The following COL7A1 variants were observed in gnomAD, a reference collection of about 807,000 sequenced individuals.
COL7A1 encodes the protein collagen type VII alpha 1 chain.
In COL7A1, 296 loss-of-function variants were observed where a neutral mutation model predicts 456.2. That is an observed-to-expected ratio of 0.65 (90% CI 0.59 to 0.71). COL7A1 has a LOEUF of 0.71. Ranked by LOEUF, COL7A1 falls within the 30% of genes least tolerant of loss-of-function variation. The probability of loss-of-function intolerance (pLI) is 0.00; values close to 1 mark genes in which losing one functional copy is unlikely to be tolerated. For missense variants in COL7A1, 3,441 were observed against 4,017.2 expected (o/e 0.86, Z 3.88); for synonymous variants, 1,464 against 1,525.9 (o/e 0.96, Z 0.95).
Position 48,584,734 on chromosome 3 carries a change from C to G in COL7A1, c.4047G>C (p.Pro1349=). The G allele has an allele frequency of 6.2e-7, 1 of 1,613,988 alleles. No individual in the cohort carries two copies. Among genetic ancestry groups the G allele is most frequent in the Non-Finnish European group, 8.5e-7 (1 of 1,180,016 alleles). Residue 1349 remains proline, a splice_region_variant and synonymous_variant, in exon 35 of 119, where the codon CCG becomes CCC. Coordinates refer to ENST00000681320, the MANE Select transcript of COL7A1 (RefSeq NM_000094.4). ...CCGCCTCCCTTCCCCCTTCACCTACCGGCTCCCCCTTTGGGCCTCGAGGTC... is the reference window on the plus strand; with the variant it reads ...CCGCCTCCCTTCCCCCTTCACCTACGGGCTCCCCCTTTGGGCCTCGAGGTC... The part of the protein sequence containing the change: ...ERGPRGPKGE[P]GAPGQVIGGE...
rs2044165797 is a variant in COL7A1, at chr3:48,574,619, C to T, written c.6393+58G>A. Reference sequence around the variant, plus strand: ...GTGCCCAGGTGCATATGCACACCACCTCTAGTGTGCCCCCAGAAAGGAGGG... The same window carrying T: ...GTGCCCAGGTGCATATGCACACCACTTCTAGTGTGCCCCCAGAAAGGAGGG... On this transcript the variant is annotated intron_variant, in intron 78 of 118. Coordinates refer to ENST00000681320, the MANE Select transcript of COL7A1 (RefSeq NM_000094.4). This position sits in a 1 kb window ranked among gnomAD's most constrained non-coding sequence, Gnocchi z 5.0. The T allele has an allele frequency of 1.9e-6, 3 of 1,612,904 alleles. No homozygotes were observed. The highest frequency in any genetic ancestry group is 2.2e-5 in the South Asian group (2 of 91,068).
chr3:48,584,338 C>G lies in COL7A1; in HGVS notation c.4157G>C (p.Gly1386Ala). ...PGPRGPLGDPGPRGPPGLPGT... is the reference protein window; with the variant it reads ...PGPRGPLGDPAPRGPPGLPGT... ...AGGAAGCCCTGGGGGGCCACGGGGT[C>G]CTGGGTCCCCCAGTGGTCCACGAGG... Residue 1386 changes from glycine to alanine, a missense_variant, in exon 37 of 119, where the codon GGA (glycine) becomes GCA (alanine). Physicochemically the swap from Gly to Ala is moderately conservative, Grantham distance 60. Around this residue, in one of 3 missense-constraint regions of COL7A1, gnomAD observed 2,084 missense variants for 2,501.3 expected, o/e 0.83. Transcript: ENST00000681320. The G allele has an allele frequency of 6.2e-7, 1 of 1,613,308 alleles. No individual in the cohort carries two copies.
rs868485210 is a variant in COL7A1 at position 48,578,943 on chromosome 3, G to A, written c.5400C>T (p.Gly1800=). ...CGTCTCTCCCTGGGTCCCCAGCTTT[G>A]CCTGCAGCACCCTGAGGAGAGACTC... ...AGPSGPNGAA[G]KAGDPGRDGL... The change falls in exon 63 of 119, where the codon GGC becomes GGT. Residue 1800 remains glycine (G), a synonymous_variant. Transcript: ENST00000681320. This position sits in a 1 kb window ranked among gnomAD's most constrained non-coding sequence, Gnocchi z 4.7. 6.2e-7 allele frequency: 1 copy of A among 1,613,956 alleles called. No homozygotes were observed.
Position 48,571,933 on chromosome 3 carries a change from A to C in COL7A1, c.7068+68T>G. Reference sequence around the variant, plus strand: ...GCTCAGACATGTGCCCCGGCCCAAGAGTGGCCCCTTATGCCCGCCATCACA... The same window carrying C: ...GCTCAGACATGTGCCCCGGCCCAAGCGTGGCCCCTTATGCCCGCCATCACA... On this transcript the variant is annotated intron_variant, in intron 92 of 118. Coordinates refer to ENST00000681320, the MANE Select transcript of COL7A1 (RefSeq NM_000094.4). The surrounding 1 kb of genome is among the most constrained non-coding windows in gnomAD (Gnocchi z 4.6). 6.3e-7 allele frequency: 1 copy of C among 1,575,276 alleles called. No homozygotes were observed. The highest frequency in any genetic ancestry group is 2.2e-4 in the Middle Eastern group (1 of 4,478).
At position 48,564,381 on chromosome 3, in the gene COL7A1, T is replaced by G. The variant is rs1223067281; in HGVS notation, c.*25A>C. 1.9e-6 allele frequency: 3 copies of G among 1,613,790 alleles called. No individual in the cohort carries two copies. Among genetic ancestry groups the G allele is most frequent in the Admixed American group, 1.7e-5 (1 of 59,992 alleles). Reference sequence around the variant, plus strand: ...AGACCCCGACTCCTCCAGGGGATGCTGAATCTCAGCTCATTATCTGGGCCT... The same window carrying G: ...AGACCCCGACTCCTCCAGGGGATGCGGAATCTCAGCTCATTATCTGGGCCT... On this transcript the variant is annotated 3_prime_UTR_variant, in exon 119 of 119. Coordinates refer to ENST00000681320, the MANE Select transcript of COL7A1 (RefSeq NM_000094.4). This position sits in a 1 kb window ranked among gnomAD's most constrained non-coding sequence, Gnocchi z 6.0.
Position 48,572,755 on chromosome 3 carries a change from G to A in COL7A1, c.6832-16C>T, listed in dbSNP as rs768117981. The A allele has an allele frequency of 5.8e-5, 94 of 1,610,708 alleles. No homozygotes were observed. The highest frequency in any genetic ancestry group is 7.4e-5 in the Non-Finnish European group (87 of 1,178,564). On this transcript the variant is annotated splice_polypyrimidine_tract_variant and intron_variant, in intron 87 of 118. Coordinates refer to ENST00000681320, the MANE Select transcript of COL7A1 (RefSeq NM_000094.4). This position sits in a 1 kb window ranked among gnomAD's most constrained non-coding sequence, Gnocchi z 4.6. ...CTGGTGACCCCTATGGCAGAGCAGC[G>A]TGAGGAACTCAGTGCCTCTCCACCA...
rs1287785941 is a variant in COL7A1 at position 48,568,061 on chromosome 3, G to C, written c.7875+29C>G. 1 of 1,613,742 alleles carries C rather than the reference G, an allele frequency of 6.2e-7. No homozygotes were observed. The highest frequency in any genetic ancestry group is 8.5e-7 in the Non-Finnish European group (1 of 1,179,792). The stretch of plus-strand genomic sequence containing the variant: ...CTTCAACATTAGGCCTTCCTGACCA[G>C]AAAAAAACCAATCTTGTTTCTTTCC... On this transcript the variant is annotated intron_variant, in intron 106 of 118. Transcript: ENST00000681320. The surrounding 1 kb of genome is among the most constrained non-coding windows in gnomAD (Gnocchi z 5.2).
chr3:48,568,627 C>T lies in COL7A1; in HGVS notation c.7759-93G>A. 6.6e-7 allele frequency: 1 copy of T among 1,506,850 alleles called. No homozygotes were observed. The highest frequency in any genetic ancestry group is 9.0e-7 in the Non-Finnish European group (1 of 1,108,246). The allele number at this position is 1,506,850 out of a possible 1,614,324, so 93.3% of individuals were successfully genotyped here. A position where few individuals can be genotyped will look rare whatever the true frequency, so the allele number is the denominator to read the frequency against. On this transcript the variant is annotated intron_variant, in intron 104 of 118. Coordinates refer to ENST00000681320, the MANE Select transcript of COL7A1 (RefSeq NM_000094.4). The surrounding 1 kb of genome is among the most constrained non-coding windows in gnomAD (Gnocchi z 5.2). The stretch of plus-strand genomic sequence containing the variant: ...GTGTGGCCACTCAGATGCTCAGCGG[C>T]CAGGGCCCAGGCCACACACAGATCC...
At position 48,582,915 on chromosome 3, in the gene COL7A1, G is replaced by C. The variant is rs1027150137; in HGVS notation, c.4518+98C>G. On this transcript the variant is annotated intron_variant, in intron 44 of 118. Coordinates refer to ENST00000681320, the MANE Select transcript of COL7A1 (RefSeq NM_000094.4). The stretch of plus-strand genomic sequence containing the variant: ...AGGGATAAGTGGTCATTGAGGAGGG[G>C]TGAGGAGCAGGGGTAGCAGGGGTCA... 7.1e-6 allele frequency: 11 copies of C among 1,554,680 alleles called. No homozygotes were observed. In the African/African-American group the frequency reaches 1.1e-4, roughly 15 times the overall value.
At position 48,593,488 on chromosome 3, in the gene COL7A1, A is replaced by C. The variant is rs1296616592; in HGVS notation, c.427-39T>G. ...AGGGGTCAAATCACGGTTCCCCTGG[A>C]CACTTCATTTGGGGTCATCTTGGGA... On this transcript the variant is annotated intron_variant, in intron 4 of 118. Coordinates refer to ENST00000681320, the MANE Select transcript of COL7A1 (RefSeq NM_000094.4). The surrounding 1 kb of genome is among the most constrained non-coding windows in gnomAD (Gnocchi z 4.4). 12 of 1,614,020 alleles carry C rather than the reference A, an allele frequency of 7.4e-6. No homozygotes were observed. Among genetic ancestry groups the C allele is most frequent in the Non-Finnish European group, 1.0e-5 (12 of 1,179,998 alleles).
Position 48,580,452 on chromosome 3 carries a change from G to A in COL7A1, c.5053-108C>T. 6.8e-7 allele frequency: 1 copy of A among 1,474,242 alleles called. No individual in the cohort carries two copies. The highest frequency in any genetic ancestry group is 1.2e-5 in the South Asian group (1 of 84,824). The allele number at this position is 1,474,242 out of a possible 1,614,324, so 91.3% of individuals were successfully genotyped here. On this transcript the variant is annotated intron_variant, in intron 55 of 118. Transcript: ENST00000681320. The surrounding 1 kb of genome is among the most constrained non-coding windows in gnomAD (Gnocchi z 4.5). ...ATGTTGGTAGCCTTCAGATGCGTGT[G>A]TGCAGGGGTCAAAGGAAGTGAAGAT...
rs780729722 is a variant in COL7A1 at position 48,569,403 on chromosome 3, C to T, written c.7658G>A (p.Arg2553Gln). The T allele has an allele frequency of 1.1e-5, 18 of 1,614,042 alleles. No individual in the cohort carries two copies. The highest frequency in any genetic ancestry group is 1.4e-5 in the Non-Finnish European group (17 of 1,180,016). Residue 2553 changes from arginine (R) to glutamine (Q), a missense_variant, in exon 103 of 119, where the codon CGG (arginine) becomes CAG (glutamine). Around this residue, in one of 3 missense-constraint regions of COL7A1, gnomAD observed 2,084 missense variants for 2,501.3 expected, o/e 0.83. Transcript: ENST00000681320. The surrounding 1 kb of genome is among the most constrained non-coding windows in gnomAD (Gnocchi z 4.9). The stretch of plus-strand genomic sequence containing the variant: ...GTCACCAGGGTCCCCATTGTCTCCC[C>T]GAGGTCCTTTGTCACCATCCAAGCC... Reference protein sequence around the residue: ...PRGLDGDKGPRGDNGDPGDKG... With the variant: ...PRGLDGDKGPQGDNGDPGDKG...
At chr3:48,584,230 C>A in intron 37 of COL7A1, 68 bp downstream of exon 37, 2 of 1,546,388 alleles carry the variant, frequency 1.3e-6, no homozygotes, top group Non-Finnish European at 1.8e-6. Context: ...GAGTAACTGG[C>A]AGGGGTTATG....
Position 48,578,242 on chromosome 3 carries a change from T to G in COL7A1, c.5532+79A>C, listed in dbSNP as rs2044463090. 3.9e-6 allele frequency: 6 copies of G among 1,535,074 alleles called. No homozygotes were observed. Among genetic ancestry groups the G allele is most frequent in the Non-Finnish European group, 4.5e-6 (5 of 1,113,546 alleles). On this transcript the variant is annotated intron_variant, in intron 65 of 118. Transcript: ENST00000681320. The surrounding 1 kb of genome is among the most constrained non-coding windows in gnomAD (Gnocchi z 4.7). Reference sequence around the variant, plus strand: ...CATGTGTCTACACGTGTGCCTCATGTGTTGCTACAGATCTTGGCTGTGTAG... The same window carrying G: ...CATGTGTCTACACGTGTGCCTCATGGGTTGCTACAGATCTTGGCTGTGTAG...
chr3:48,593,684 G>C lies in COL7A1; in HGVS notation c.279C>G (p.Gly93=), dbSNP rs745864625. ...QYSDDPRTEF[G]LDALGSGGDV... ...CACCCCCAGAGCCAAGTGCATCCAGGCCGAACTCTGTCCTGTTGGAGGGTA... is the reference window on the plus strand; with the variant it reads ...CACCCCCAGAGCCAAGTGCATCCAGCCCGAACTCTGTCCTGTTGGAGGGTA... The change falls in exon 4 of 119, where the codon GGC becomes GGG. Residue 93 remains glycine (G), a synonymous_variant. Transcript: ENST00000681320. This position sits in a 1 kb window ranked among gnomAD's most constrained non-coding sequence, Gnocchi z 4.4. 12 of 1,614,094 alleles carry C rather than the reference G, an allele frequency of 7.4e-6. No homozygotes were observed. The African/African-American group carries it at 1.5e-4, about 20-fold the overall frequency.
Position 48,569,527 on chromosome 3 carries a change from G to A in COL7A1, c.7614+65C>T, listed in dbSNP as rs1369096002. ...GGGAGTTTGAGCTCTCAGATGCCCT[G>A]GGCCAGCCCCACGGGGTCCCTCTCG... is the stretch of plus-strand genomic sequence containing the variant. On this transcript the variant is annotated intron_variant, in intron 102 of 118. Coordinates refer to ENST00000681320, the MANE Select transcript of COL7A1 (RefSeq NM_000094.4). This position sits in a 1 kb window ranked among gnomAD's most constrained non-coding sequence, Gnocchi z 4.9. 1 of 1,613,054 alleles carries A rather than the reference G, an allele frequency of 6.2e-7. No homozygotes were observed. Among genetic ancestry groups the A allele is most frequent in the Admixed American group, 1.7e-5 (1 of 59,986 alleles).
chr3:48,585,904 G>A lies in COL7A1; in HGVS notation c.3759+36C>T, dbSNP rs1016326409. 3.1e-6 allele frequency: 5 copies of A among 1,613,934 alleles called. No homozygotes were observed. Among genetic ancestry groups the A allele is most frequent in the Non-Finnish European group, 3.4e-6 (4 of 1,180,026 alleles). The stretch of plus-strand genomic sequence containing the variant: ...TGGGTCAGAGTGGCTAGCCCCAGGT[G>A]CAGCCTCTGTTCACCTCTCGATGAG... On this transcript the variant is annotated intron_variant, in intron 29 of 118. Transcript: ENST00000681320. This position sits in a 1 kb window ranked among gnomAD's most constrained non-coding sequence, Gnocchi z 4.5.
chr3:48,573,602 C>T lies in COL7A1; in HGVS notation c.6574-45G>A, dbSNP rs962147780. 35 of 1,613,816 alleles carry T rather than the reference C, an allele frequency of 2.2e-5. No individual in the cohort carries two copies. Among genetic ancestry groups the T allele is most frequent in the Non-Finnish European group, 2.8e-5 (33 of 1,179,930 alleles). On this transcript the variant is annotated intron_variant, in intron 82 of 118. Coordinates refer to ENST00000681320, the MANE Select transcript of COL7A1 (RefSeq NM_000094.4). The surrounding 1 kb of genome is among the most constrained non-coding windows in gnomAD (Gnocchi z 5.5). ...GCAGGGAACAGGGCTCAGGGATTAA[C>T]ACAGAGAAGGCCTGGCTCATCAGCT... is the stretch of plus-strand genomic sequence containing the variant.
chr3:48,586,930 G>A lies in COL7A1; in HGVS notation c.3276+42C>T, dbSNP rs935347655. On this transcript the variant is annotated intron_variant, in intron 25 of 118. Transcript: ENST00000681320. This position sits in a 1 kb window ranked among gnomAD's most constrained non-coding sequence, Gnocchi z 5.1. ...TAACTGGTATGGAGCCTGGGTGGGG[G>A]GCCTCAGGGAGAGGTAGAATCTGGC... The A allele has an allele frequency of 1.9e-6, 3 of 1,563,714 alleles. No homozygotes were observed. Among genetic ancestry groups the A allele is most frequent in the Non-Finnish European group, 2.6e-6 (3 of 1,153,930 alleles).
Sources: allele counts gnomAD v4.1 joint callset, GRCh38; gene constraint gnomAD v4.1.1; regional missense constraint gnomAD v4.1.1; non-coding constraint Gnocchi (gnomAD v3.1); transcripts MANE v1.5; gene names NCBI Gene and HGNC (gene_info 2026-07-23, HGNC 2026-07-21).